The following STPG2 variants were observed in gnomAD, a reference collection of about 807,000 sequenced individuals.
The protein encoded by STPG2 is sperm-tail PG-rich repeat-containing protein 2.
In STPG2, 56 loss-of-function variants were observed where a neutral mutation model predicts 54.2. The ratio of observed to expected loss-of-function variants is 1.03; its 90% CI spans 0.83 to 1.29. The LOEUF is 1.29. STPG2 is among the 50% of genes most tolerant of loss of function. STPG2 has a pLI of 0.00. For missense variants in STPG2, 596 were observed against 544.9 expected, an observed-to-expected ratio of 1.09 and a Z score of -0.93; for synonymous variants, 200 against 181.8, an observed-to-expected ratio of 1.10 and a Z score of -0.81.
At chr4:97,882,961 C>T (rs1412306082) in intron 8 of STPG2, among the ~76,000 whole-genome samples, 3 of 140,908 alleles carry the variant, frequency 2.1e-5, no homozygotes, top group Non-Finnish European at 4.6e-5. Flanking sequence ...AAAGAATCTA[C>T]ACATACATAC....
chr4:97,916,448 A>G (rs1731880124), intron 8 of STPG2: 1 of 152,626 alleles, frequency 6.6e-6, no homozygotes, highest in Non-Finnish European at 1.5e-5. Context: ...ATTCCAACAT[A>G]TGGTTGGATG....
chr4:97,827,860 T>A (rs1306812751), intron 9 of STPG2, among the ~76,000 whole-genome samples: 2 of 152,084 alleles, frequency 1.3e-5, no homozygotes, highest in Non-Finnish European at 2.9e-5. Context: ...CCAGAGTTGC[T>A]AACCTGTGGT....
At chr4:97,916,789 A>T (rs746785193) in intron 8 of STPG2, 5 of 152,958 alleles carry the variant, frequency 3.3e-5, no homozygotes, top group Non-Finnish European at 7.3e-5. Context: ...CCTCTGCATC[A>T]CCAGGTTGCA....
At chr4:98,041,608 T>C (rs982838176) in intron 5 of STPG2, among the ~76,000 whole-genome samples, 8 of 151,916 alleles carry the variant, frequency 5.3e-5, no homozygotes, top group African/African-American at 9.7e-5. Flanking sequence ...TTTTTGTTTT[T>C]AATTTTGTTT....
intron 7 of STPG2, among the ~76,000 whole-genome samples, chr4:97,953,744 A>C (rs1473483757): frequency 6.6e-6 from 1 of 152,240 alleles, no homozygotes; most frequent in Non-Finnish European, 1.5e-5. Context: ...TCCTGGAGGC[A>C]TTCTCTCTGC....
intron 8 of STPG2, among the ~76,000 whole-genome samples, chr4:97,883,822 CT>C (rs1333659861): frequency 2.6e-5 from 4 of 152,106 alleles, no homozygotes; most frequent in Non-Finnish European, 5.9e-5. Flanking sequence ...AGAAAGAAGG[CT>C]TCTCGTCATA....
At chr4:97,856,760 G>T (rs1428777551) in intron 8 of STPG2, among the ~76,000 whole-genome samples, 1 of 152,168 alleles carries the variant, frequency 6.6e-6, no homozygotes, top group Non-Finnish European at 1.5e-5. Context: ...AATGCTTCCA[G>T]GTTTTGTTCA....
intron 8 of STPG2, among the ~76,000 whole-genome samples, chr4:97,870,436 G>A (rs1729945088): frequency 6.6e-6 from 1 of 150,938 alleles, no homozygotes; most frequent in East Asian, 1.9e-4. Flanking sequence ...TGAAACAAAG[G>A]GATTTCAAAA....
chr4:97,749,936 C>A (rs1423185507), intron 9 of STPG2, among the ~76,000 whole-genome samples: 1 of 151,702 alleles, frequency 6.6e-6, no homozygotes, highest in Non-Finnish European at 1.5e-5. Context: ...CAGTTCCCGT[C>A]CAGACAGGTT....
chr4:98,111,986 T>A (rs1416491841), intron 3 of STPG2, among the ~76,000 whole-genome samples: 2 of 151,992 alleles, frequency 1.3e-5, no homozygotes, highest in African/African-American at 4.8e-5. Context: ...AGTTATACCA[T>A]CAGCTCCCGT....
chr4:98,066,454 TG>T (rs1187204176), intron 5 of STPG2, among the ~76,000 whole-genome samples: 2 of 152,070 alleles, frequency 1.3e-5, no homozygotes, highest in Non-Finnish European at 2.9e-5. Context: ...CCAGGTATGG[TG>T]GTGCATGCCT....
At chr4:97,903,475 T>C (rs1246612971) in intron 8 of STPG2, among the ~76,000 whole-genome samples, 1 of 146,812 alleles carries the variant, frequency 6.8e-6, no homozygotes, top group Non-Finnish European at 1.5e-5. Context: ...TTAAATAAAG[T>C]AAATAAAGGA....
intron 8 of STPG2, among the ~76,000 whole-genome samples, chr4:97,892,410 GC>G (rs1200640195): frequency 1.3e-5 from 2 of 152,036 alleles, no homozygotes; most frequent in Non-Finnish European, 2.9e-5. Flanking sequence ...ACAGTCTATT[GC>G]CAGATAGTTA....
At chr4:97,494,290 C>CA (rs1486968433) in intron 4 of STPG2, among the ~76,000 whole-genome samples, 1 of 151,522 alleles carries the variant, frequency 6.6e-6, no homozygotes, top group African/African-American at 2.4e-5. Context: ...AGAAGCTTTT[C>CA]AGTTGCTCAT....
intron 4 of STPG2, among the ~76,000 whole-genome samples, chr4:97,469,403 ATGT>A (rs1224494035): frequency 1.3e-5 from 2 of 152,128 alleles, no homozygotes; most frequent in Non-Finnish European, 2.9e-5. Flanking sequence ...CTGGAAGAAA[ATGT>A]TGATGATAGG....
chr4:97,937,569 A>G (rs144525720), intron 8 of STPG2, among the ~76,000 whole-genome samples: 296 of 152,056 alleles, frequency 1.9e-3, no homozygotes, highest in African/African-American at 7.0e-3. Context: ...TTTTGTAGGA[A>G]CTTTTTTGTT....
At chr4:97,636,519 C>T (rs1197212064) in intron 10 of STPG2, among the ~76,000 whole-genome samples, 2 of 147,396 alleles carry the variant, frequency 1.4e-5, no homozygotes, top group African/African-American at 2.6e-5. Flanking sequence ...AATAGAGACA[C>T]AAAAAACCCT....
At chr4:97,673,557 C>A (rs1419183698) in intron 10 of STPG2, among the ~76,000 whole-genome samples, 1 of 152,164 alleles carries the variant, frequency 6.6e-6, no homozygotes, top group Admixed American at 6.5e-5. Flanking sequence ...CTTCCCAAAG[C>A]ACCCAGAATC....
intron 4 of STPG2, among the ~76,000 whole-genome samples, chr4:97,444,381 TA>T (rs1250484246): frequency 1.3e-5 from 2 of 152,032 alleles, no homozygotes; most frequent in South Asian, 2.1e-4. Flanking sequence ...TTTTAACGCA[TA>T]AAAAAGTTGT....
Sources: allele counts gnomAD v4.1 joint callset (sites outside exome capture counted in the v4.1 genomes callset), GRCh38; gene constraint gnomAD v4.1.1; transcripts MANE v1.5; gene names NCBI Gene and HGNC (gene_info 2026-07-23, HGNC 2026-07-21).